DENND6A: variants seen among roughly 807,000 people sequenced by gnomAD.
DENND6A encodes the protein DENN domain containing 6A, also known as protein DENND6A.
A neutral mutation model predicts 95.5 loss-of-function variants in DENND6A; 43 were observed. The observed-to-expected ratio is 0.45, with a 90% CI of 0.35 to 0.58. DENND6A has a LOEUF of 0.58. DENND6A is among the 20% of genes least tolerant of loss of function. The pLI, the probability that DENND6A is intolerant of heterozygous loss-of-function variation, is 0.00. For synonymous variants in DENND6A, 257 were observed against 260.4 expected, an observed-to-expected ratio of 0.99 and a Z score of 0.13; for missense variants, 574 against 736.0, an observed-to-expected ratio of 0.78 and a Z score of 2.55.
At chr3:57,676,192 A>C (rs537214800) in intron 1 of DENND6A, among the ~76,000 whole-genome samples, 1 of 152,160 alleles carries the variant, frequency 6.6e-6, no homozygotes, top group East Asian at 1.9e-4. Context: ...AGCCTGGCTA[A>C]CATGGCGAAA....
chr3:57,671,656 G>A (rs1182862891), intron 3 of DENND6A, among the ~76,000 whole-genome samples: 1 of 152,170 alleles, frequency 6.6e-6, no homozygotes, highest in Non-Finnish European at 1.5e-5. Flanking sequence ...AAGCTAGTTT[G>A]AAAGTGAAAC....
chr3:57,679,753 T>C (rs922882042), intron 1 of DENND6A, among the ~76,000 whole-genome samples: 4 of 152,214 alleles, frequency 2.6e-5, no homozygotes, highest in Non-Finnish European at 5.9e-5. Flanking sequence ...GAGAAGACTA[T>C]GTAGGGGATT....
intron 9 of DENND6A, among the ~76,000 whole-genome samples, chr3:57,650,392 ATGAG>A (rs1042058343): frequency 2.7e-5 from 4 of 149,790 alleles, no homozygotes; most frequent in African/African-American, 7.3e-5. Flanking sequence ...AATTTAATAT[ATGAG>A]TGTGTATATA....
At chr3:57,690,646 T>C (rs964163754) in intron 1 of DENND6A, among the ~76,000 whole-genome samples, 20 of 149,376 alleles carry the variant, frequency 1.3e-4, no homozygotes, top group East Asian at 2.0e-4. Context: ...ATTACACCAC[T>C]GCACTCCAGC....
intron 9 of DENND6A, among the ~76,000 whole-genome samples, chr3:57,650,878 A>G (rs2071195487): frequency 6.7e-6 from 1 of 149,616 alleles, no homozygotes; most frequent in Admixed American, 6.8e-5. Context: ...TCCGCCTCCC[A>G]GATTCAAGAG....
At position 57,625,996 on chromosome 3, in the gene DENND6A, G is replaced by GAA. The variant is rs2070519790; in HGVS notation, c.*2216_*2217dup. 1.3e-5 allele frequency: 2 copies of GAA among 152,440 alleles called. No individual in the cohort carries two copies. 9.4% of individuals were successfully genotyped at this position (152,440 alleles called of 1,614,324 possible). ...TACAATTATTAAAATATACCTTTTT[G>GAA]AAAAATAATAAGATGACCATTTATA... On this transcript the variant is annotated 3_prime_UTR_variant, in exon 20 of 20. Coordinates refer to ENST00000311128, the MANE Select transcript of DENND6A (RefSeq NM_152678.3).
chr3:57,660,483 T>C (rs2071401503), intron 7 of DENND6A, among the ~76,000 whole-genome samples: 1 of 152,128 alleles, frequency 6.6e-6, no homozygotes, highest in African/African-American at 2.4e-5. Flanking sequence ...CCACCACGCC[T>C]GTCCAAAAGT....
At chr3:57,637,246 C>T (rs1176533817) in intron 12 of DENND6A, among the ~76,000 whole-genome samples, 2 of 152,178 alleles carry the variant, frequency 1.3e-5, no homozygotes, top group African/African-American at 4.8e-5. Context: ...TTACTGCCAT[C>T]ATTCATTCTG....
At position 57,692,958 on chromosome 3, in the gene DENND6A, C is replaced by G; in HGVS notation, c.61G>C (p.Val21Leu). Reference sequence around the variant, plus strand: ...GCCTCGCGGCCCTCGGCCCCTGCCACCGCTTCGTCCAACGGCCTTCGAGAG... The same window carrying G: ...GCCTCGCGGCCCTCGGCCCCTGCCAGCGCTTCGTCCAACGGCCTTCGAGAG... ...PGSRRPLDEA[V>L]AGAEGREAPA... The change falls in exon 1 of 20, where the codon GTG (valine) becomes CTG (leucine). Residue 21 changes from valine (V) to leucine (L), a missense_variant. Physicochemically the swap from Val to Leu is conservative, Grantham distance 32. This residue lies in a region of DENND6A where 122 missense variants were observed against 105.1 expected (regional missense o/e 1.16). Transcript: ENST00000311128. 2 of 1,545,552 alleles carry G rather than the reference C, an allele frequency of 1.3e-6. No individual in the cohort carries two copies. The highest frequency in any genetic ancestry group is 2.4e-5 in the South Asian group (2 of 83,804).
At chr3:57,674,084 A>T (rs182782849) in intron 1 of DENND6A, among the ~76,000 whole-genome samples, 22 of 151,612 alleles carry the variant, frequency 1.5e-4, no homozygotes, top group Non-Finnish European at 2.2e-4. Flanking sequence ...ATATTTTTTT[A>T]AAAATACTGG....
rs1575806212 is a variant in DENND6A at position 57,627,152 on chromosome 3, T to C, written c.*1062A>G. ...TTAAATTAGTATTTATTTAATTTTT[T>C]ATTTTTGTTGAGACACAGTCTCACT... On this transcript the variant is annotated 3_prime_UTR_variant, in exon 20 of 20. Transcript: ENST00000311128. The C allele has an allele frequency of 6.6e-6, 1 of 152,334 alleles. No individual in the cohort carries two copies. The highest frequency in any genetic ancestry group is 1.9e-4 in the East Asian group (1 of 5,190). The allele number at this position is 152,334 out of a possible 1,614,324, so 9.4% of individuals were successfully genotyped here.
rs955672169 is a variant in DENND6A at position 57,639,059 on chromosome 3, A to G, written c.1132+2594T>C. Among the ~76,000 whole-genome samples, 20 of 152,214 alleles carry G rather than the reference A, an allele frequency of 1.3e-4. No individual in the cohort carries two copies. In the East Asian group the frequency reaches 3.3e-3, roughly 25 times the overall value. On this transcript the variant is annotated intron_variant, in intron 12 of 19. Transcript: ENST00000311128. ...GTTACAGTGAGCTATGATTGTGCCA[A>G]TGCACTCCAGCCTGAGCAACAGCAC...
chr3:57,658,222 C>A (rs145279333), intron 8 of DENND6A, among the ~76,000 whole-genome samples: 1 of 149,104 alleles, frequency 6.7e-6, no homozygotes, highest in Non-Finnish European at 1.5e-5. Context: ...GGTGACAGAG[C>A]GAGACTCCAT....
At chr3:57,660,479 C>A (rs1165923626) in intron 7 of DENND6A, among the ~76,000 whole-genome samples, 1 of 152,124 alleles carries the variant, frequency 6.6e-6, no homozygotes, top group Non-Finnish European at 1.5e-5. Flanking sequence ...TGAGCCACCA[C>A]GCCTGTCCAA....
rs116804448 is a variant in DENND6A, at chr3:57,677,217, G to T, written c.238-4779C>A. ...TCCCATTGATATGTAAGGCTCTAAT[G>T]GTACCTTCTATTCCTATGGCCTATC... On this transcript the variant is annotated intron_variant, in intron 1 of 19. Transcript: ENST00000311128. Among the ~76,000 whole-genome samples, 757 of 152,184 alleles carry T rather than the reference G, an allele frequency of 5.0e-3. 6 individuals carry two copies. Among genetic ancestry groups the T allele is most frequent in the African/African-American group, 0.017 (716 of 41,510 alleles).
chr3:57,654,518 A>T (rs2071282934), intron 9 of DENND6A: 1 of 593,986 alleles, frequency 1.7e-6, no homozygotes, highest in African/African-American at 2.0e-5. Context: ...AGGTGGCAGG[A>T]GGTGATAACT....
chr3:57,672,579 T>C (rs2071636532), intron 1 of DENND6A, 141 bp from the exon 2 acceptor site: 1 of 798,566 alleles, frequency 1.3e-6, no homozygotes, highest in African/African-American at 1.8e-5. Flanking sequence ...GGTCAGGTGT[T>C]TAAGACCAAC....
intron 12 of DENND6A, among the ~76,000 whole-genome samples, chr3:57,639,532 A>T (rs1351250435): frequency 6.6e-6 from 1 of 152,214 alleles, no homozygotes; most frequent in Non-Finnish European, 1.5e-5. Context: ...GTCAAGATTA[A>T]ATTAAGATTT....
chr3:57,630,653 TTTTTG>T, intron 17 of DENND6A, 57 bp downstream of exon 17: 2 of 1,562,214 alleles, frequency 1.3e-6, no homozygotes, highest in South Asian at 2.4e-5. Flanking sequence ...TAAGTTTAGC[TTTTTG>T]TTTTGCTTTT....
Sources: allele counts gnomAD v4.1 joint callset (sites outside exome capture counted in the v4.1 genomes callset), GRCh38; gene constraint gnomAD v4.1.1; regional missense constraint gnomAD v4.1.1; transcripts MANE v1.5; gene names NCBI Gene and HGNC (gene_info 2026-07-23, HGNC 2026-07-21).